SNTG1: variants seen among roughly 807,000 people sequenced by gnomAD.
SNTG1 encodes the protein gamma-1-syntrophin.
A neutral mutation model predicts 74.7 loss-of-function variants in SNTG1; 39 were observed. The observed-to-expected ratio is 0.52, with a 90% CI of 0.40 to 0.68. The LOEUF is 0.68. Among genes scored for constraint, SNTG1 ranks in the 30% least tolerant of loss-of-function variants. The pLI is 0.00. For missense variants in SNTG1, 685 were observed against 609.5 expected (o/e 1.12, Z -1.30); for synonymous variants, 254 against 217.1 (o/e 1.17, Z -1.49).
At chr8:49,968,677 T>C (rs567096815) in intron 1 of SNTG1, among the ~76,000 whole-genome samples, 1 of 152,264 alleles carries the variant, frequency 6.6e-6, no homozygotes, top group African/African-American at 2.4e-5. Flanking sequence ...GATAGACCCT[T>C]ATTCTTCCAG....
Position 50,014,036 on chromosome 8 carries a change from C to T in SNTG1, c.-103+101805C>T, listed in dbSNP as rs558326869. 1.2e-4 allele frequency among the ~76,000 whole-genome samples: 19 copies of T among 152,200 alleles called. No individual in the cohort carries two copies. The South Asian group carries it at 3.1e-3, about 25-fold the overall frequency. Reference sequence around the variant, plus strand: ...AGCCACAGAATGTACTGAGGAGAACCTATTCAAAAGAAAGTACTAAACTAC... The same window carrying T: ...AGCCACAGAATGTACTGAGGAGAACTTATTCAAAAGAAAGTACTAAACTAC... On this transcript the variant is annotated intron_variant, in intron 1 of 18. Transcript: ENST00000642720.
chr8:50,241,484 G>A (rs2086160759), intron 2 of SNTG1, among the ~76,000 whole-genome samples: 1 of 152,200 alleles, frequency 6.6e-6, no homozygotes, highest in African/African-American at 2.4e-5. Context: ...TGACAAAGAT[G>A]AAGCTATGCA....
chr8:50,687,691 A>G (rs1442039067), intron 15 of SNTG1, among the ~76,000 whole-genome samples: 1 of 152,178 alleles, frequency 6.6e-6, no homozygotes, highest in East Asian at 1.9e-4. Flanking sequence ...ATTAAGCATT[A>G]GGTATATCTT....
At chr8:50,171,647 T>C (rs1460840199) in intron 1 of SNTG1, among the ~76,000 whole-genome samples, 1 of 152,174 alleles carries the variant, frequency 6.6e-6, no homozygotes, top group Non-Finnish European at 1.5e-5. Flanking sequence ...CATCACACCA[T>C]CCAAGAATTA....
At chr8:50,579,474 G>A (rs565942713) in intron 12 of SNTG1, among the ~76,000 whole-genome samples, 4 of 152,242 alleles carry the variant, frequency 2.6e-5, no homozygotes, top group African/African-American at 9.6e-5. Flanking sequence ...TGGGGAAAAT[G>A]TCTTCAGGGC....
chr8:50,311,554 A>G (rs563750019), intron 2 of SNTG1, among the ~76,000 whole-genome samples: 72 of 152,336 alleles, frequency 4.7e-4, no homozygotes, highest in Middle Eastern at 3.4e-3. Context: ...TATTCTTAAA[A>G]TATGTATTTT....
intron 13 of SNTG1, among the ~76,000 whole-genome samples, chr8:50,604,609 G>A (rs1485202944): frequency 6.6e-6 from 1 of 152,034 alleles, no homozygotes; most frequent in Non-Finnish European, 1.5e-5. Context: ...TGCTTGTGGT[G>A]AATGCTGCCA....
chr8:50,256,159 T>TTTTG (rs2086871291), intron 2 of SNTG1, among the ~76,000 whole-genome samples: 1 of 151,758 alleles, frequency 6.6e-6, no homozygotes, highest in Admixed American at 6.6e-5. Context: ...CCATGTGTCT[T>TTTTG]TTTGTTTATA....
chr8:50,052,179 G>A (rs1819633335), intron 1 of SNTG1, among the ~76,000 whole-genome samples: 1 of 151,926 alleles, frequency 6.6e-6, no homozygotes. Flanking sequence ...AGAGTAATCA[G>A]ATAATATAAT....
rs926229263 is a variant in SNTG1 at position 50,794,504 on chromosome 8, G to A, written c.*1675G>A. On this transcript the variant is annotated 3_prime_UTR_variant, in exon 19 of 19. Transcript: ENST00000642720. ...AGTTTCAGTGTAATGTATTTTGACC[G>A]TAAAACTAAGTACACATTTGTAATT... 6 of 152,060 alleles carry A rather than the reference G, an allele frequency of 3.9e-5. No individual in the cohort carries two copies. Among genetic ancestry groups the A allele is most frequent in the Middle Eastern group, 3.4e-3 (1 of 294 alleles). 9.4% of individuals were successfully genotyped at this position (152,060 alleles called of 1,614,324 possible).
chr8:50,243,037 A>T (rs950788536), intron 2 of SNTG1, among the ~76,000 whole-genome samples: 1 of 152,124 alleles, frequency 6.6e-6, no homozygotes, highest in Admixed American at 6.5e-5. Context: ...ATATTGACAC[A>T]AAATAAATAA....
intron 1 of SNTG1, among the ~76,000 whole-genome samples, chr8:50,133,813 A>G (rs918828084): frequency 2.0e-5 from 3 of 152,162 alleles, no homozygotes; most frequent in African/African-American, 7.2e-5. Flanking sequence ...TATACCTGCA[A>G]TGGCTCCCTT....
rs568678808 is a variant in SNTG1, at chr8:50,039,454, C to CAAAAAAA, written c.-103+127246_-103+127252dup. Among the ~76,000 whole-genome samples, 40 of 46,156 alleles carry CAAAAAAA rather than the reference C, an allele frequency of 8.7e-4. 1 individual carries two copies. The highest frequency in any genetic ancestry group is 3.4e-3 in the African/African-American group (40 of 11,734). The allele number at this position is 46,156 out of a possible 152,430, so 30.3% of individuals were successfully genotyped here. Reference sequence around the variant, plus strand: ...TGGGTGACAGAGCAAGACTCCGTCTCAAAAAAAAAAAAAAAAAAAAAAAAA... The same window carrying CAAAAAAA: ...TGGGTGACAGAGCAAGACTCCGTCTCAAAAAAAAAAAAAAAAAAAAAAAAAAAAAAAA... On this transcript the variant is annotated intron_variant, in intron 1 of 18. Transcript: ENST00000642720.
chr8:50,674,173 G>T (rs2095298885), intron 15 of SNTG1, among the ~76,000 whole-genome samples: 1 of 152,056 alleles, frequency 6.6e-6, no homozygotes, highest in South Asian at 2.1e-4. Context: ...TTGGTATTAG[G>T]ATTACACTGG....
chr8:50,360,712 T>C (rs2091932937), intron 2 of SNTG1, among the ~76,000 whole-genome samples: 1 of 152,154 alleles, frequency 6.6e-6, no homozygotes, highest in South Asian at 2.1e-4. Flanking sequence ...TATTTATATC[T>C]CCAAACATAT....
intron 1 of SNTG1, among the ~76,000 whole-genome samples, chr8:50,114,152 A>C (rs2080721507): frequency 6.6e-6 from 1 of 152,170 alleles, no homozygotes; most frequent in African/African-American, 2.4e-5. Context: ...ACACTCATTT[A>C]CTTTGATTTA....
chr8:50,681,639 A>C (rs1287394215), intron 15 of SNTG1, among the ~76,000 whole-genome samples: 1 of 152,170 alleles, frequency 6.6e-6, no homozygotes, highest in African/African-American at 2.4e-5. Context: ...TATTTTGTAA[A>C]ACAACGAGAG....
At chr8:50,078,682 A>C (rs895057394) in intron 1 of SNTG1, among the ~76,000 whole-genome samples, 11 of 152,110 alleles carry the variant, frequency 7.2e-5, no homozygotes, top group Non-Finnish European at 5.9e-5. Flanking sequence ...TGCGTGCATT[A>C]GGTATTTGTC....
intron 18 of SNTG1, among the ~76,000 whole-genome samples, chr8:50,768,427 A>G (rs888542665): frequency 1.3e-5 from 2 of 152,044 alleles, no homozygotes; most frequent in African/African-American, 4.8e-5. Context: ...TCCTGACTGA[A>G]GAATTCATGA....
Sources: gnomAD v4.1 joint callset for allele counts (sites outside exome capture counted in the v4.1 genomes callset) on GRCh38, gnomAD v4.1.1 for gene constraint, MANE v1.5 for transcripts, NCBI Gene and HGNC (gene_info 2026-07-23, HGNC 2026-07-21) for gene names.